Variants in CNTNAP4 observed in about 807,000 individuals in gnomAD.
CNTNAP4 encodes the protein contactin-associated protein-like 4.
In CNTNAP4, 98 loss-of-function variants were observed where a neutral mutation model predicts 148.4. That is an observed-to-expected ratio of 0.66 (90% CI 0.56 to 0.78). CNTNAP4 has a LOEUF of 0.78. Ranked by LOEUF, CNTNAP4 falls within the 30% of genes least tolerant of loss-of-function variation. The pLI, the probability that CNTNAP4 is intolerant of heterozygous loss-of-function variation, is 0.00. For synonymous variants in CNTNAP4, 730 were observed against 565.1 expected, an observed-to-expected ratio of 1.29 and a Z score of -4.14; for missense variants, 1,935 against 1,565.6, an observed-to-expected ratio of 1.24 and a Z score of -3.98.
rs560039683 is a variant in CNTNAP4, at chr16:76,356,611, G to T, written c.390+1100G>T. Among the ~76,000 whole-genome samples, 3 of 152,150 alleles carry T rather than the reference G, an allele frequency of 2.0e-5. No homozygotes were observed. The South Asian group carries it at 6.2e-4, about 32-fold the overall frequency. On this transcript the variant is annotated intron_variant, in intron 3 of 23. Coordinates refer to ENST00000611870, the MANE Select transcript of CNTNAP4 (RefSeq NM_033401.5). The stretch of plus-strand genomic sequence containing the variant: ...AAAATATTTGTTTGGATCTTATGTG[G>T]GCTAAGAACAATGTACTGCAATCAA...
chr16:76,410,129 A>G (rs761160470), intron 3 of CNTNAP4, among the ~76,000 whole-genome samples: 1 of 151,708 alleles, frequency 6.6e-6, no homozygotes, highest in Non-Finnish European at 1.5e-5. Flanking sequence ...GGTCATACTA[A>G]GGTCTCCAGT....
At chr16:76,465,717 A>C (rs550397803) in intron 9 of CNTNAP4, among the ~76,000 whole-genome samples, 7 of 152,348 alleles carry the variant, frequency 4.6e-5, no homozygotes, top group African/African-American at 1.4e-4. Context: ...CTTACACTAC[A>C]GAAGAAATTT....
At chr16:76,339,956 G>A (rs1326208717) in intron 2 of CNTNAP4, among the ~76,000 whole-genome samples, 1 of 152,168 alleles carries the variant, frequency 6.6e-6, no homozygotes, top group Non-Finnish European at 1.5e-5. Flanking sequence ...CTGCAGCTGG[G>A]AGGTGGAGGG....
chr16:76,465,282 C>T (rs1413478207), intron 9 of CNTNAP4, among the ~76,000 whole-genome samples: 2 of 152,140 alleles, frequency 1.3e-5, no homozygotes, highest in African/African-American at 4.8e-5. Flanking sequence ...GAGCTTCTCT[C>T]TGGTATTGCA....
intron 1 of CNTNAP4, among the ~76,000 whole-genome samples, chr16:76,294,193 G>C (rs1313154341): frequency 6.6e-6 from 1 of 152,106 alleles, no homozygotes; most frequent in East Asian, 1.9e-4. Flanking sequence ...CGCAATCCCT[G>C]CTATTCAGGG....
At chr16:76,325,296 ATATT>A (rs1435155550) in intron 2 of CNTNAP4, among the ~76,000 whole-genome samples, 2 of 152,202 alleles carry the variant, frequency 1.3e-5, no homozygotes, top group Admixed American at 1.3e-4. Context: ...TGTGTAATGT[ATATT>A]TATATACTCT....
intron 1 of CNTNAP4, among the ~76,000 whole-genome samples, chr16:76,286,842 C>T (rs574344521): frequency 2.0e-5 from 3 of 152,296 alleles, no homozygotes; most frequent in East Asian, 3.9e-4. Context: ...TACATATTTA[C>T]ATTTGCCATG....
rs1464544418 is a variant in CNTNAP4, at chr16:76,454,099, G to A, written c.1333+1330G>A. 9.5e-5 allele frequency among the ~76,000 whole-genome samples: 14 copies of A among 147,828 alleles called. No homozygotes were observed. In the Admixed American group the frequency reaches 9.6e-4, roughly 10 times the overall value. Reference sequence around the variant, plus strand: ...TACTTTGGGGAGCTCCATGAAGTCAGCCTATTTCTTTCTTTTTTTTTTTTT... The same window carrying A: ...TACTTTGGGGAGCTCCATGAAGTCAACCTATTTCTTTCTTTTTTTTTTTTT... On this transcript the variant is annotated intron_variant, in intron 8 of 23. Coordinates refer to ENST00000611870, the MANE Select transcript of CNTNAP4 (RefSeq NM_033401.5).
intron 1 of CNTNAP4, among the ~76,000 whole-genome samples, chr16:76,283,357 C>T (rs1331148284): frequency 6.6e-6 from 1 of 151,892 alleles, no homozygotes; most frequent in Non-Finnish European, 1.5e-5. Context: ...GACACATGCA[C>T]ATGTATGTTC....
intron 2 of CNTNAP4, among the ~76,000 whole-genome samples, chr16:76,345,213 C>T (rs1320673777): frequency 6.6e-6 from 1 of 152,070 alleles, no homozygotes; most frequent in African/African-American, 2.4e-5. Flanking sequence ...TTGAGTATTG[C>T]CACTTATCAG....
At chr16:76,339,294 T>C (rs1964273356) in intron 2 of CNTNAP4, among the ~76,000 whole-genome samples, 1 of 152,160 alleles carries the variant, frequency 6.6e-6, no homozygotes, top group African/African-American at 2.4e-5. Flanking sequence ...CCCCTCCCCA[T>C]TCAACATATA....
At chr16:76,373,777 C>T (rs1282742571) in intron 3 of CNTNAP4, among the ~76,000 whole-genome samples, 1 of 151,842 alleles carries the variant, frequency 6.6e-6, no homozygotes, top group Non-Finnish European at 1.5e-5. Context: ...CGCCTGTAAT[C>T]CCAGCTACTT....
intron 2 of CNTNAP4, among the ~76,000 whole-genome samples, chr16:76,349,937 G>A (rs2144441063): frequency 6.6e-6 from 1 of 152,058 alleles, no homozygotes; most frequent in Admixed American, 6.5e-5. Flanking sequence ...ACGGGATAAA[G>A]GTGATTCTTA....
chr16:76,351,110 A>G (rs2011673076), intron 2 of CNTNAP4, among the ~76,000 whole-genome samples: 1 of 152,236 alleles, frequency 6.6e-6, no homozygotes, highest in Non-Finnish European at 1.5e-5. Context: ...GCATACTAAA[A>G]TCACGAGGTC....
chr16:76,460,336 C>T (rs1160970056), intron 8 of CNTNAP4, among the ~76,000 whole-genome samples: 3 of 151,606 alleles, frequency 2.0e-5, no homozygotes, highest in South Asian at 4.2e-4. Context: ...CTCGAACTCC[C>T]GACCTCAGGT....
intron 8 of CNTNAP4, among the ~76,000 whole-genome samples, chr16:76,461,129 G>T (rs1488478118): frequency 6.6e-6 from 1 of 152,074 alleles, no homozygotes; most frequent in Non-Finnish European, 1.5e-5. Context: ...CAGCCTTCTT[G>T]CTCTTAGGAA....
At chr16:76,360,833 T>C (rs1289392999) in intron 3 of CNTNAP4, among the ~76,000 whole-genome samples, 2 of 150,752 alleles carry the variant, frequency 1.3e-5, no homozygotes, top group East Asian at 1.9e-4. Flanking sequence ...TTTTTTTTTT[T>C]TGAGATGGAG....
At chr16:76,329,738 A>G (rs559600637) in intron 2 of CNTNAP4, among the ~76,000 whole-genome samples, 12 of 152,340 alleles carry the variant, frequency 7.9e-5, no homozygotes, top group Admixed American at 5.2e-4. Context: ...AAAGATTGAT[A>G]TATAATTAAT....
intron 3 of CNTNAP4, among the ~76,000 whole-genome samples, chr16:76,398,226 A>T (rs1009540173): frequency 6.6e-6 from 1 of 150,958 alleles, no homozygotes; most frequent in Non-Finnish European, 1.5e-5. Flanking sequence ...AGCTGATTAG[A>T]TGGTGCCCAC....
Sources: gnomAD v4.1 joint callset for allele counts (sites outside exome capture counted in the v4.1 genomes callset) on GRCh38, gnomAD v4.1.1 for gene constraint, MANE v1.5 for transcripts, NCBI Gene and HGNC (gene_info 2026-07-23, HGNC 2026-07-21) for gene names.